GLI3: variants seen among roughly 807,000 people sequenced by gnomAD.
GLI3 encodes transcription activator GLI3.
In GLI3, 20 loss-of-function variants were observed where a neutral mutation model predicts 100.8. The observed-to-expected ratio is 0.20, with a 90% CI of 0.14 to 0.29. The LOEUF is 0.29. Ranked by LOEUF, GLI3 falls within the 10% of genes least tolerant of loss-of-function variation. GLI3 has a pLI of 1.00. For missense variants in GLI3, 2,040 were observed against 2,128.5 expected (o/e 0.96, Z 0.82); for synonymous variants, 938 against 860.5 (o/e 1.09, Z -1.58).
chr7:41,972,322 G>A lies in GLI3; in HGVS notation c.2103+15C>T. ...TGGGCCTGCTGTGAAGTCAGAAGGA[G>A]AGTGAATGACATACCATTGGCTTCT... is the stretch of plus-strand genomic sequence containing the variant. On this transcript the variant is annotated intron_variant, in intron 13 of 14. Transcript: ENST00000395925. The surrounding 1 kb of genome is among the most constrained non-coding windows in gnomAD (Gnocchi z 4.4). The A allele has an allele frequency of 6.2e-7, 1 of 1,611,730 alleles. No homozygotes were observed. The highest frequency in any genetic ancestry group is 8.5e-7 in the Non-Finnish European group (1 of 1,178,140).
At position 41,965,378 on chromosome 7, in the gene GLI3, T is replaced by G. The variant is rs780924905; in HGVS notation, c.3695A>C (p.His1232Pro). The change falls in exon 15 of 15, where the codon CAC (histidine) becomes CCC (proline). Residue 1232 changes from histidine (H) to proline (P), a missense_variant. His to Pro is a moderately conservative substitution (Grantham distance 77). This residue lies in a region of GLI3 where 1,041 missense variants were observed against 924.0 expected (regional missense o/e 1.13). Transcript: ENST00000395925. ...PYGGPEHLML[H>P]NSPGSGTSGN... The stretch of plus-strand genomic sequence containing the variant: ...ACTGGTGCCACTTCCGGGGCTGTTG[T>G]GGAGCATCAAGTGCTCTGGGCCACC... 1.9e-6 allele frequency: 3 copies of G among 1,612,894 alleles called. No individual in the cohort carries two copies. Among genetic ancestry groups the G allele is most frequent in the Admixed American group, 3.3e-5 (2 of 59,976 alleles).
At chr7:42,179,164 A>C (rs978061665) in intron 2 of GLI3, among the ~76,000 whole-genome samples, 1 of 151,994 alleles carries the variant, frequency 6.6e-6, no homozygotes, top group Admixed American at 6.6e-5. Flanking sequence ...GATTTTTAAG[A>C]GGGGAGTTTC....
chr7:42,046,466 GA>G (rs1434148946), intron 5 of GLI3, among the ~76,000 whole-genome samples: 2 of 151,996 alleles, frequency 1.3e-5, no homozygotes, highest in Non-Finnish European at 2.9e-5. Flanking sequence ...GAGATTTAAG[GA>G]AAAAAACTTT....
chr7:42,038,850 G>T (rs1285483741), intron 7 of GLI3, among the ~76,000 whole-genome samples: 6 of 152,172 alleles, frequency 3.9e-5, no homozygotes, highest in African/African-American at 1.4e-4. Context: ...TCTTGCTACT[G>T]CAAACACTTT....
chr7:42,164,317 T>A (rs1787194581), intron 2 of GLI3, among the ~76,000 whole-genome samples: 1 of 151,174 alleles, frequency 6.6e-6, no homozygotes, highest in Non-Finnish European at 1.5e-5. Context: ...GCCCAGGAAT[T>A]CGAGAACAAC....
At chr7:41,992,203 T>C (rs1222966221) in intron 10 of GLI3, among the ~76,000 whole-genome samples, 3 of 152,200 alleles carry the variant, frequency 2.0e-5, no homozygotes, top group Non-Finnish European at 4.4e-5. Context: ...ACTACAGCAG[T>C]AGCCAGGAGG....
chr7:42,078,481 T>C (rs895072625), intron 3 of GLI3, among the ~76,000 whole-genome samples: 1 of 152,326 alleles, frequency 6.6e-6, no homozygotes, highest in South Asian at 2.1e-4. Context: ...CCCGAGGCTG[T>C]AATTCTACAG....
At chr7:42,077,133 G>A (rs1200565520) in intron 3 of GLI3, among the ~76,000 whole-genome samples, 1 of 152,150 alleles carries the variant, frequency 6.6e-6, no homozygotes, top group Non-Finnish European at 1.5e-5. Context: ...AGCAACACAG[G>A]CTCCCTATCT....
At chr7:42,242,549 T>C (rs1788935772), upstream of GLI3, among the ~76,000 whole-genome samples, 1 of 152,220 alleles carries the variant, frequency 6.6e-6, no homozygotes, top group Admixed American at 6.5e-5. Flanking sequence ...GGGATATTTT[T>C]ATTTACACTG....
intron 10 of GLI3, among the ~76,000 whole-genome samples, chr7:41,984,535 C>G (rs1787759997): frequency 6.6e-6 from 1 of 152,206 alleles, no homozygotes; most frequent in Non-Finnish European, 1.5e-5. Context: ...CATCCCCATT[C>G]AAACCCTGCC....
intron 3 of GLI3, among the ~76,000 whole-genome samples, chr7:42,115,177 CT>C (rs1308407724): frequency 8.4e-6 from 1 of 119,650 alleles, no homozygotes; most frequent in Non-Finnish European, 1.6e-5. Flanking sequence ...CTCGCTCTGT[CT>C]CCCAGGTTGG....
intron 10 of GLI3, among the ~76,000 whole-genome samples, chr7:42,013,872 G>A (rs145631502): frequency 2.2e-4 from 34 of 152,218 alleles, no homozygotes; most frequent in African/African-American, 7.7e-4. Flanking sequence ...TTGGTAAAGA[G>A]CCTGATGCCA....
intron 2 of GLI3, among the ~76,000 whole-genome samples, chr7:42,161,776 T>A (rs1787135573): frequency 6.6e-6 from 1 of 152,238 alleles, no homozygotes; most frequent in African/African-American, 2.4e-5. Flanking sequence ...TATCCAAGAA[T>A]AAAGTTTTGA....
intron 1 of GLI3, among the ~76,000 whole-genome samples, chr7:42,254,434 T>C (rs1022464112): frequency 6.6e-6 from 1 of 152,134 alleles, no homozygotes; most frequent in African/African-American, 2.4e-5. Flanking sequence ...AAGAGAGTAT[T>C]TCAAAAGGGT....
chr7:42,241,551 G>C (rs1352468995), upstream of GLI3, among the ~76,000 whole-genome samples: 2 of 152,202 alleles, frequency 1.3e-5, no homozygotes, highest in East Asian at 3.9e-4. Flanking sequence ...TCCCCACGCT[G>C]ACTGGCCAGC....
chr7:42,076,896 A>T, intron 3 of GLI3, 39 bp from the exon 4 acceptor site: 1 of 1,178,940 alleles, frequency 8.5e-7, no homozygotes, highest in South Asian at 1.2e-5. Context: ...TCAAATGAAC[A>T]CTTTCAAACA....
chr7:42,207,494 A>G (rs1371995338), intron 2 of GLI3, among the ~76,000 whole-genome samples: 1 of 152,190 alleles, frequency 6.6e-6, no homozygotes, highest in African/African-American at 2.4e-5. Context: ...GAAAATGAGC[A>G]CTCACATAAA....
At chr7:42,148,091 T>G in intron 3 of GLI3, 135 bp downstream of exon 3, 1 of 872,056 alleles carries the variant, frequency 1.1e-6, no homozygotes, top group Non-Finnish European at 1.7e-6. Flanking sequence ...GAAAGAAAAT[T>G]ACACCTTTTA....
chr7:41,987,629 C>A (rs531278037), intron 10 of GLI3, among the ~76,000 whole-genome samples: 1 of 152,248 alleles, frequency 6.6e-6, no homozygotes, highest in South Asian at 2.1e-4. Context: ...GAACTTTGTG[C>A]AGAGTTGTTA....
Sources: gnomAD v4.1 joint callset for allele counts (sites outside exome capture counted in the v4.1 genomes callset) on GRCh38, gnomAD v4.1.1 for gene constraint, gnomAD v4.1.1 regional missense constraint, Gnocchi (gnomAD v3.1) non-coding constraint, MANE v1.5 for transcripts, NCBI Gene and HGNC (gene_info 2026-07-23, HGNC 2026-07-21) for gene names.